Variants in RIMS3 observed in about 807,000 individuals in gnomAD.
RIMS3 encodes regulating synaptic membrane exocytosis 3.
In RIMS3, 15 loss-of-function variants were observed where a neutral mutation model predicts 29.2. That is an observed-to-expected ratio of 0.51 (90% CI 0.34 to 0.79). The LOEUF (loss-of-function observed/expected upper bound fraction) is 0.79. Ranked by LOEUF, RIMS3 falls within the 30% of genes least tolerant of loss-of-function variation. RIMS3 has a pLI of 0.01. For synonymous variants in RIMS3, 161 were observed against 170.1 expected (o/e 0.95, Z 0.41); for missense variants, 342 against 421.4 (o/e 0.81, Z 1.65).
intron 1 of RIMS3, among the ~76,000 whole-genome samples, chr1:40,652,644 G>A (rs1228254777): frequency 1.3e-5 from 2 of 152,236 alleles, no homozygotes; most frequent in Non-Finnish European, 2.9e-5. Flanking sequence ...AGAGGAGGTA[G>A]GTACAACTGC....
chr1:40,683,271 A>C, the RIMS3 span, among the ~76,000 whole-genome samples: 3 of 152,188 alleles, frequency 2.0e-5, no homozygotes, highest in Admixed American at 6.5e-5. Context: ...TCCCTCCAAA[A>C]CTCAAGTTGA....
intron 1 of RIMS3, among the ~76,000 whole-genome samples, chr1:40,660,502 C>A (rs1165619008): frequency 3.3e-5 from 5 of 151,880 alleles, no homozygotes; most frequent in Non-Finnish European, 5.9e-5. Flanking sequence ...CTCAGCCCCC[C>A]AAGCAGCTGG....
At chr1:40,640,512 G>T (rs934077662) in intron 3 of RIMS3, among the ~76,000 whole-genome samples, 18 of 152,150 alleles carry the variant, frequency 1.2e-4, no homozygotes, top group Admixed American at 8.5e-4. Context: ...CATTCTCCCT[G>T]GATCCTCCGG....
chr1:40,681,724 G>A, the RIMS3 span, among the ~76,000 whole-genome samples: 1 of 152,176 alleles, frequency 6.6e-6, no homozygotes, highest in Non-Finnish European at 1.5e-5. Flanking sequence ...GAGATCACTT[G>A]TTGAAGAATT....
chr1:40,677,208 T>C, the RIMS3 span, among the ~76,000 whole-genome samples: 3 of 151,650 alleles, frequency 2.0e-5, no homozygotes, highest in Non-Finnish European at 4.4e-5. Context: ...TTTCACCATG[T>C]TGGCCAGGCT....
the RIMS3 span, among the ~76,000 whole-genome samples, chr1:40,689,223 T>C: frequency 6.6e-6 from 1 of 152,220 alleles, no homozygotes; most frequent in Non-Finnish European, 1.5e-5. Context: ...AGAGGAAAGA[T>C]AATATGGCAA....
upstream of RIMS3, among the ~76,000 whole-genome samples, chr1:40,670,596 A>ATATATATATATATATATATATATATATG (rs1467983011): frequency 7.7e-6 from 1 of 129,260 alleles, no homozygotes; most frequent in Non-Finnish European, 1.6e-5. Context: ...ATATATATAT[A>ATATATATATATATATATATATATATATG]TATATATATA....
the RIMS3 span, among the ~76,000 whole-genome samples, chr1:40,671,246 G>C: frequency 6.0e-3 from 918 of 152,256 alleles, 10 homozygotes; most frequent in African/African-American, 0.021. Context: ...CTAGGCCTTG[G>C]GGGGGATGCT....
At position 40,641,847 on chromosome 1, in the gene RIMS3, T is replaced by C; in HGVS notation, c.79A>G (p.Ile27Val). ...VVRSSSISGE[I>V]CGSQQAGGGA... Reference sequence around the variant, plus strand: ...CCCCCGGCTTGCTGGGATCCGCAGATTTCACCGCTAATGCTGGAGCTCCGC... The same window carrying C: ...CCCCCGGCTTGCTGGGATCCGCAGACTTCACCGCTAATGCTGGAGCTCCGC... Residue 27 changes from isoleucine to valine, a missense_variant, in exon 3 of 8, where the codon ATC (isoleucine) becomes GTC (valine). Physicochemically the swap from Ile to Val is conservative, Grantham distance 29 (BLOSUM62 3). Coordinates refer to ENST00000372684, the MANE Select transcript of RIMS3 (RefSeq NM_014747.3). 2 of 1,613,410 alleles carry C rather than the reference T, an allele frequency of 1.2e-6. No homozygotes were observed. Among genetic ancestry groups the C allele is most frequent in the Non-Finnish European group, 1.7e-6 (2 of 1,179,386 alleles).
chr1:40,656,116 C>G (rs1313844089), intron 1 of RIMS3, among the ~76,000 whole-genome samples: 1 of 152,184 alleles, frequency 6.6e-6, no homozygotes, highest in Non-Finnish European at 1.5e-5. Flanking sequence ...CACCCATAGT[C>G]CCAGCTATTT....
At chr1:40,682,502 C>T in the RIMS3 span, among the ~76,000 whole-genome samples, 3 of 151,964 alleles carry the variant, frequency 2.0e-5, no homozygotes, top group African/African-American at 7.3e-5. Context: ...TCAGGACACA[C>T]TTTTGAGTTC....
chr1:40,648,385 G>A (rs1432667862), intron 1 of RIMS3, among the ~76,000 whole-genome samples: 1 of 152,220 alleles, frequency 6.6e-6, no homozygotes, highest in Non-Finnish European at 1.5e-5. Flanking sequence ...AAGAGGAGCA[G>A]AAAGGCAGAG....
In RIMS3 at chr1:40,623,088, T is replaced by TGATTCCACAGAG. The variant is rs1646432599; in HGVS notation, c.*3417_*3428dup. ...TTGACCTCAGTGTTCTAACCGGCAG[T>TGATTCCACAGAG]GATTCCACAGAGGATGAGCTCTATG... On this transcript the variant is annotated 3_prime_UTR_variant, in exon 8 of 8. Coordinates refer to ENST00000372684, the MANE Select transcript of RIMS3 (RefSeq NM_014747.3). The TGATTCCACAGAG allele has an allele frequency of 3.9e-6, 1 of 258,980 alleles. No homozygotes were observed. Among genetic ancestry groups the TGATTCCACAGAG allele is most frequent in the Non-Finnish European group, 7.2e-6 (1 of 137,936 alleles). The allele number at this position is 258,980 out of a possible 1,614,324, so 16.0% of individuals were successfully genotyped here. A position where few individuals can be genotyped will look rare whatever the true frequency, so the allele number is the denominator to read the frequency against.
the RIMS3 span, among the ~76,000 whole-genome samples, chr1:40,683,871 G>A: frequency 6.6e-6 from 1 of 152,166 alleles, no homozygotes; most frequent in Non-Finnish European, 1.5e-5. Context: ...CTCAGGAAGT[G>A]GACAGACATT....
the RIMS3 span, among the ~76,000 whole-genome samples, chr1:40,683,422 G>A: frequency 0.78 from 119,438 of 152,156 alleles, 47,502 homozygotes; most frequent in African/African-American, 0.9. Flanking sequence ...AAAAGGATAC[G>A]TTTGGCCCCC....
the RIMS3 span, among the ~76,000 whole-genome samples, chr1:40,672,856 C>T: frequency 1.5e-5 from 2 of 131,394 alleles, no homozygotes; most frequent in Admixed American, 7.8e-5. Context: ...AGGGTAAGAC[C>T]CCATCTCTGG....
intron 2 of RIMS3, among the ~76,000 whole-genome samples, chr1:40,644,144 A>G (rs2148351748): frequency 6.6e-6 from 1 of 152,306 alleles, no homozygotes; most frequent in Non-Finnish European, 1.5e-5. Context: ...AGCCAGTGCT[A>G]CTGTGAACAG....
the RIMS3 span, among the ~76,000 whole-genome samples, chr1:40,684,804 TG>T: frequency 7.9e-5 from 12 of 152,312 alleles, no homozygotes; most frequent in Admixed American, 7.2e-4. Flanking sequence ...TGTCTCCCAT[TG>T]ATCAGTTTGC....
intron 1 of RIMS3, among the ~76,000 whole-genome samples, chr1:40,658,335 G>A (rs1642300218): frequency 6.6e-6 from 1 of 152,168 alleles, no homozygotes; most frequent in Non-Finnish European, 1.5e-5. Flanking sequence ...CTGCTGCCCA[G>A]GAAAAGACTC....
Sources: gnomAD v4.1 joint callset for allele counts (sites outside exome capture counted in the v4.1 genomes callset) on GRCh38, gnomAD v4.1.1 for gene constraint, MANE v1.5 for transcripts, NCBI Gene and HGNC (gene_info 2026-07-23, HGNC 2026-07-21) for gene names.